VWA3B: variants seen among roughly 807,000 people sequenced by gnomAD.
VWA3B encodes the protein von Willebrand factor A domain containing 3B.
Under a neutral mutation model 158.3 loss-of-function variants are expected in VWA3B, and 138 were observed. The observed-to-expected ratio is 0.87, with a 90% CI of 0.76 to 1.00. The LOEUF is 1.00. Among genes scored for constraint, VWA3B ranks in the 50% least tolerant of loss-of-function variants. VWA3B has a pLI of 0.00. For missense variants in VWA3B, 1,555 were observed against 1,565.1 expected (o/e 0.99, Z 0.11); for synonymous variants, 596 against 587.3 (o/e 1.01, Z -0.21).
chr2:98,158,719 T>G (rs1573936660), intron 7 of VWA3B, among the ~76,000 whole-genome samples: 2 of 124,672 alleles, frequency 1.6e-5, no homozygotes, highest in East Asian at 2.5e-4. Context: ...CTGGGGGTGG[T>G]GGAGTCAAGA....
intron 7 of VWA3B, among the ~76,000 whole-genome samples, chr2:98,137,836 T>C (rs1231216819): frequency 1.3e-5 from 2 of 149,300 alleles, no homozygotes; most frequent in African/African-American, 2.6e-5. Flanking sequence ...TTTGTTTCCA[T>C]CAAGATTAGG....
chr2:98,162,770 A>G lies in VWA3B; in HGVS notation c.989-81A>G, dbSNP rs527615601. On this transcript the variant is annotated intron_variant, in intron 7 of 27. Coordinates refer to ENST00000477737, the MANE Select transcript of VWA3B (RefSeq NM_144992.5). ...AGAAATGTTCCAGAAACTTGGCTGC[A>G]ATGCGTCAGGCCTGCTAGGCGGGCT... The G allele has an allele frequency of 3.9e-6, 6 of 1,541,430 alleles. No individual in the cohort carries two copies. In the African/African-American group the frequency reaches 5.5e-5, roughly 14 times the overall value.
At chr2:98,174,628 TG>T (rs1679857783) in intron 8 of VWA3B, among the ~76,000 whole-genome samples, 1 of 152,210 alleles carries the variant, frequency 6.6e-6, no homozygotes, top group Non-Finnish European at 1.5e-5. Context: ...GGGAATGGGA[TG>T]TCCATTGGTC....
At chr2:98,323,908 G>A in the VWA3B span, among the ~76,000 whole-genome samples, 5 of 152,200 alleles carry the variant, frequency 3.3e-5, no homozygotes, top group African/African-American at 1.2e-4. Context: ...CTCCACCAAA[G>A]TAAGCAGATT....
chr2:98,215,168 G>A (rs556750648), intron 13 of VWA3B, among the ~76,000 whole-genome samples: 7 of 152,248 alleles, frequency 4.6e-5, no homozygotes, highest in South Asian at 4.2e-4. Context: ...TAGGCCAGGC[G>A]CGGTGGCTCA....
At chr2:98,266,954 A>G (rs1241787851) in intron 21 of VWA3B, among the ~76,000 whole-genome samples, 2 of 149,168 alleles carry the variant, frequency 1.3e-5, no homozygotes, top group African/African-American at 4.9e-5. Context: ...GGGCTGAGAC[A>G]ATGGGGTTTT....
chr2:98,108,917 G>GT (rs1573781915), intron 2 of VWA3B, among the ~76,000 whole-genome samples: 1 of 148,266 alleles, frequency 6.7e-6, no homozygotes, highest in African/African-American at 2.5e-5. Context: ...TGGCTTGTCT[G>GT]TTTTTTTCCT....
chr2:98,104,334 C>G (rs1683280679), intron 2 of VWA3B, among the ~76,000 whole-genome samples: 1 of 152,058 alleles, frequency 6.6e-6, no homozygotes, highest in Admixed American at 6.6e-5. Context: ...CTGGTGAGGG[C>G]CTCAGGAAGC....
At chr2:98,155,229 C>T (rs1677963241) in intron 7 of VWA3B, among the ~76,000 whole-genome samples, 1 of 152,220 alleles carries the variant, frequency 6.6e-6, no homozygotes, top group African/African-American at 2.4e-5. Context: ...CTTGGGGACA[C>T]AGCTCACCCA....
At chr2:98,088,145 A>G (rs1203434343) in intron 1 of VWA3B, among the ~76,000 whole-genome samples, 1 of 152,224 alleles carries the variant, frequency 6.6e-6, no homozygotes, top group Non-Finnish European at 1.5e-5. Flanking sequence ...GCTTCGTCCC[A>G]GTTTCCTTTC....
intron 1 of VWA3B, among the ~76,000 whole-genome samples, chr2:98,088,125 C>A (rs951997072): frequency 1.3e-5 from 2 of 152,190 alleles, no homozygotes; most frequent in African/African-American, 4.8e-5. Context: ...GCATCAGGAT[C>A]CATCATGAAG....
At chr2:98,141,061 A>T (rs149634407) in intron 7 of VWA3B, among the ~76,000 whole-genome samples, 1 of 152,124 alleles carries the variant, frequency 6.6e-6, no homozygotes, top group Non-Finnish European at 1.5e-5. Context: ...CAGTCCTCCT[A>T]CCCAACTTCC....
At chr2:98,284,201 G>A (rs1188225954) in intron 22 of VWA3B, among the ~76,000 whole-genome samples, 1 of 152,234 alleles carries the variant, frequency 6.6e-6, no homozygotes, top group Non-Finnish European at 1.5e-5. Context: ...CAGGTCTGAA[G>A]ATTTCCCACA....
At chr2:98,212,953 G>C (rs1331096234) in intron 13 of VWA3B, among the ~76,000 whole-genome samples, 1 of 152,160 alleles carries the variant, frequency 6.6e-6, no homozygotes, top group Non-Finnish European at 1.5e-5. Context: ...TTGTGCTTTG[G>C]GGAATGTGCT....
chr2:98,091,325 T>C (rs1682277461), intron 1 of VWA3B, among the ~76,000 whole-genome samples: 1 of 152,204 alleles, frequency 6.6e-6, no homozygotes, highest in Admixed American at 6.5e-5. Flanking sequence ...ATTCCTCACA[T>C]GTAAGTGGCG....
chr2:98,303,380 A>C (rs948170563), intron 25 of VWA3B, among the ~76,000 whole-genome samples: 4 of 142,904 alleles, frequency 2.8e-5, no homozygotes, highest in Non-Finnish European at 6.3e-5. Flanking sequence ...AGTGGTGGCC[A>C]AAGGCTGAAA....
rs377080160 is a variant in VWA3B, at chr2:98,089,271, C to T, written c.-33+1908C>T. On this transcript the variant is annotated intron_variant, in intron 1 of 27. Coordinates refer to ENST00000477737, the MANE Select transcript of VWA3B (RefSeq NM_144992.5). Reference sequence around the variant, plus strand: ...TGAGAATCTTCCTGTAGTTTGTCTCCGTAGTCATTGAACTGTCTTTAAGTC... The same window carrying T: ...TGAGAATCTTCCTGTAGTTTGTCTCTGTAGTCATTGAACTGTCTTTAAGTC... 1.3e-3 allele frequency among the ~76,000 whole-genome samples: 202 copies of T among 152,236 alleles called. No individual in the cohort carries two copies. In the Middle Eastern group the frequency reaches 0.02, roughly 15 times the overall value.
At chr2:98,223,737 T>G (rs1192719211) in intron 14 of VWA3B, among the ~76,000 whole-genome samples, 3 of 152,170 alleles carry the variant, frequency 2.0e-5, no homozygotes, top group East Asian at 1.9e-4. Context: ...TTTTATTTTA[T>G]TTTAGTTTTA....
chr2:98,251,910 T>A (rs1286692436), intron 20 of VWA3B, among the ~76,000 whole-genome samples: 1 of 152,146 alleles, frequency 6.6e-6, no homozygotes, highest in Admixed American at 6.5e-5. Context: ...TATTTCTGAA[T>A]CTTTACCTGA....
Sources: gnomAD v4.1 joint callset for allele counts (sites outside exome capture counted in the v4.1 genomes callset) on GRCh38, gnomAD v4.1.1 for gene constraint, MANE v1.5 for transcripts, NCBI Gene and HGNC (gene_info 2026-07-23, HGNC 2026-07-21) for gene names.